Variants in CHAT observed in about 807,000 individuals in gnomAD.
The protein encoded by CHAT is acetyl CoA:choline O-acetyltransferase.
Under a neutral mutation model 76.9 loss-of-function variants are expected in CHAT, and 61 were observed. That is an observed-to-expected ratio of 0.79 (90% CI 0.65 to 0.98). CHAT has a LOEUF of 0.98. Among genes scored for constraint, CHAT ranks in the 50% least tolerant of loss-of-function variants. The pLI is 0.00. For missense variants in CHAT, 946 were observed against 986.9 expected (o/e 0.96, Z 0.56); for synonymous variants, 407 against 397.4 (o/e 1.02, Z -0.29).
intron 1 of CHAT, chr10:49,615,928 C>T: frequency 1.8e-6 from 2 of 1,090,618 alleles, no homozygotes; most frequent in South Asian, 1.4e-5. Flanking sequence ...TGGCCACAGG[C>T]CAGGCTCCCA....
At chr10:49,618,933 T>A (rs1194195982) in intron 2 of CHAT, among the ~76,000 whole-genome samples, 1 of 152,200 alleles carries the variant, frequency 6.6e-6, no homozygotes, top group Non-Finnish European at 1.5e-5. Context: ...ATTTATGTCC[T>A]ATGGATGAGG....
At chr10:49,648,773 C>A (rs1046274605) in intron 9 of CHAT, among the ~76,000 whole-genome samples, 166 bp downstream of exon 9, 3 of 147,858 alleles carry the variant, frequency 2.0e-5, no homozygotes, top group African/African-American at 5.3e-5. Context: ...AATTTGAAAC[C>A]CAGCTTTGTA....
chr10:49,614,086 C>T lies in CHAT; in HGVS notation c.-104C>T, dbSNP rs1352750638. On this transcript the variant is annotated 5_prime_UTR_variant, in exon 1 of 15. Transcript: ENST00000337653. ...CATGGGCGGGACAGTGTTCTGTGCC[C>T]CCTTCTAGAGCCTAAATTTGTTGCC... 1.3e-6 allele frequency: 2 copies of T among 1,541,070 alleles called. No homozygotes were observed. The highest frequency in any genetic ancestry group is 1.7e-6 in the Non-Finnish European group (2 of 1,145,660).
At chr10:49,629,298 C>T (rs535324992) in intron 7 of CHAT, among the ~76,000 whole-genome samples, 3 of 152,304 alleles carry the variant, frequency 2.0e-5, no homozygotes, top group Middle Eastern at 6.8e-3. Flanking sequence ...ACTTATTCCC[C>T]GACTTACCAA....
rs1038495731 is a variant in CHAT at position 49,665,188 on chromosome 10, C to T, written c.*142C>T. 16 of 912,752 alleles carry T rather than the reference C, an allele frequency of 1.8e-5. No individual in the cohort carries two copies. In the African/African-American group the frequency reaches 2.3e-4, roughly 13 times the overall value. The allele number at this position is 912,752 out of a possible 1,614,324, so 56.5% of individuals were successfully genotyped here. Reference sequence around the variant, plus strand: ...TCACAGACCATACAGAGACATCACACAGAGCCGGAGTGTTAGGAGGAAAGG... The same window carrying T: ...TCACAGACCATACAGAGACATCACATAGAGCCGGAGTGTTAGGAGGAAAGG... On this transcript the variant is annotated 3_prime_UTR_variant, in exon 15 of 15. Transcript: ENST00000337653.
chr10:49,663,163 G>C (rs1463707713), intron 14 of CHAT, among the ~76,000 whole-genome samples: 1 of 152,210 alleles, frequency 6.6e-6, no homozygotes, highest in African/African-American at 2.4e-5. Flanking sequence ...TGGGGAGGTG[G>C]AGATTGCAGT....
At chr10:49,616,052 G>A in intron 1 of CHAT, 1 of 1,613,966 alleles carries the variant, frequency 6.2e-7, no homozygotes, top group Non-Finnish European at 8.5e-7. Flanking sequence ...CCACACCAGA[G>A]ATGTGGCCGG....
At chr10:49,664,394 T>C (rs916306231) in intron 14 of CHAT, among the ~76,000 whole-genome samples, 1 of 152,214 alleles carries the variant, frequency 6.6e-6, no homozygotes, top group South Asian at 2.1e-4. Flanking sequence ...CATAAATTCC[T>C]CCCTCCGGAA....
In CHAT at chr10:49,625,623, T is replaced by C. The variant is rs113897064; in HGVS notation, c.903T>C (p.Pro301=). Residue 301 remains proline, a synonymous_variant, in exon 6 of 15, where the codon CCT becomes CCC. Coordinates refer to ENST00000337653, the MANE Select transcript of CHAT (RefSeq NM_020549.5). ...VAQNSSIMPE[P]EHVIVACCNQ... ...AGAACAGCAGCATCATGCCGGAGCC[T>C]GAGCACGTCATCGTAGCCTGCTGCA... The C allele has an allele frequency of 2.7e-3, 4,260 of 1,589,482 alleles. 96 individuals are homozygous for C. In the African/African-American group the frequency reaches 0.05, roughly 19 times the overall value.
At position 49,620,489 on chromosome 10, in the gene CHAT, C is replaced by T. The variant is rs749162949; in HGVS notation, c.580-6C>T. Reference sequence around the variant, plus strand: ...ATGTGACGGCCTTCCCTGCCCTCCCCGGCAGGTGTCTGAGTACTGGCTGAA... The same window carrying T: ...ATGTGACGGCCTTCCCTGCCCTCCCTGGCAGGTGTCTGAGTACTGGCTGAA... On this transcript the variant is annotated splice_region_variant and splice_polypyrimidine_tract_variant and intron_variant, in intron 3 of 14. Coordinates refer to ENST00000337653, the MANE Select transcript of CHAT (RefSeq NM_020549.5). 2.4e-5 allele frequency: 39 copies of T among 1,600,328 alleles called. No homozygotes were observed. The highest frequency in any genetic ancestry group is 1.8e-4 in the East Asian group (8 of 44,732).
chr10:49,654,408 C>T (rs1045608416), intron 11 of CHAT, among the ~76,000 whole-genome samples: 11 of 152,388 alleles, frequency 7.2e-5, no homozygotes, highest in African/African-American at 2.4e-4. Context: ...TCCTCCCCCA[C>T]TCCCAACATC....
chr10:49,637,891 T>TGA (rs1199412704), intron 7 of CHAT, among the ~76,000 whole-genome samples: 2 of 152,230 alleles, frequency 1.3e-5, no homozygotes, highest in African/African-American at 4.8e-5. Context: ...TTCAATTTGT[T>TGA]GAGTGTTGTT....
chr10:49,656,010 C>G (rs1840022502), intron 13 of CHAT, among the ~76,000 whole-genome samples: 1 of 152,172 alleles, frequency 6.6e-6, no homozygotes, highest in African/African-American at 2.4e-5. Context: ...TTTGCAATAG[C>G]AAAATAGAGA....
chr10:49,620,317 A>G (rs1275107565), intron 3 of CHAT, among the ~76,000 whole-genome samples, 178 bp from the exon 4 acceptor site: 1 of 152,142 alleles, frequency 6.6e-6, no homozygotes. Context: ...ACAGGAGGGC[A>G]CAAAGGTGAA....
At position 49,620,620 on chromosome 10, in the gene CHAT, C is replaced by T. The variant is rs1590563362; in HGVS notation, c.698+7C>T. ...GCACCGATGACCAGCTGAGGTGAGG[C>T]CTTGGTGCTCCTAGCTCATAACCTG... On this transcript the variant is annotated splice_region_variant and intron_variant, in intron 4 of 14. Coordinates refer to ENST00000337653, the MANE Select transcript of CHAT (RefSeq NM_020549.5). 6.3e-7 allele frequency: 1 copy of T among 1,599,188 alleles called. No homozygotes were observed. The highest frequency in any genetic ancestry group is 8.6e-7 in the Non-Finnish European group (1 of 1,166,896).
Position 49,625,514 on chromosome 10 carries a change from G to C in CHAT, c.794G>C (p.Gly265Ala), listed in dbSNP as rs777336258. The change falls in exon 6 of 15, where the codon GGG becomes GCG. Residue 265 changes from glycine (G) to alanine (A), a missense_variant. Transcript: ENST00000337653. Reference sequence around the variant, plus strand: ...GACTGTGCCAAAGGCCAGCTGTCAGGGCAGCCCCTTTGCATGAAGCAATAC... The same window carrying C: ...GACTGTGCCAAAGGCCAGCTGTCAGCGCAGCCCCTTTGCATGAAGCAATAC... ...PTDCAKGQLS[G>A]QPLCMKQYYG... 1.2e-6 allele frequency: 2 copies of C among 1,613,160 alleles called. No individual in the cohort carries two copies. The highest frequency in any genetic ancestry group is 1.7e-6 in the Non-Finnish European group (2 of 1,180,028).
upstream of CHAT, chr10:49,610,840 C>T: frequency 6.2e-7 from 1 of 1,611,128 alleles, no homozygotes; most frequent in Non-Finnish European, 8.5e-7. Flanking sequence ...GCAGAGGCGC[C>T]TGGTGCTTGT....
chr10:49,654,995 G>C, intron 11 of CHAT, 100 bp from the exon 12 acceptor site: 1 of 1,204,950 alleles, frequency 8.3e-7, no homozygotes, highest in African/African-American at 1.5e-5. Context: ...AGTCAAGTCA[G>C]GGCTGTGAAA....
At chr10:49,628,857 G>A (rs1311326333) in intron 7 of CHAT, among the ~76,000 whole-genome samples, 2 of 152,264 alleles carry the variant, frequency 1.3e-5, no homozygotes, top group African/African-American at 2.4e-5. Context: ...CCCCCAGGGT[G>A]AGGAGGAGAA....
Sources: gnomAD v4.1 joint callset for allele counts (sites outside exome capture counted in the v4.1 genomes callset) on GRCh38, gnomAD v4.1.1 for gene constraint, MANE v1.5 for transcripts, NCBI Gene and HGNC (gene_info 2026-07-23, HGNC 2026-07-21) for gene names.